KALRN: variants seen among roughly 807,000 people sequenced by gnomAD.
KALRN encodes the protein kalirin RhoGEF kinase.
Under a neutral mutation model 353.7 loss-of-function variants are expected in KALRN, and 70 were observed. The observed-to-expected ratio is 0.20, with a 90% CI of 0.16 to 0.24. The LOEUF is 0.24. Among genes scored for constraint, KALRN ranks in the 10% least tolerant of loss-of-function variants. KALRN has a pLI of 1.00. For synonymous variants in KALRN, 1,391 were observed against 1,434.8 expected (o/e 0.97, Z 0.69); for missense variants, 2,791 against 3,756.7 (o/e 0.74, Z 6.72).
At chr3:124,186,788 C>T (rs778791661) in intron 1 of KALRN, among the ~76,000 whole-genome samples, 2 of 152,152 alleles carry the variant, frequency 1.3e-5, no homozygotes, top group Non-Finnish European at 2.9e-5. Context: ...TAAAGTAACT[C>T]GTTCCTTTGA....
intron 1 of KALRN, among the ~76,000 whole-genome samples, chr3:124,038,550 AAAGT>A (rs1193822813): frequency 1.3e-5 from 2 of 152,324 alleles, no homozygotes; most frequent in African/African-American, 4.8e-5. Context: ...TTCCCTAACA[AAAGT>A]AAGAGTTTAG....
intron 10 of KALRN, among the ~76,000 whole-genome samples, chr3:124,367,491 G>A (rs2085016486): frequency 9.1e-6 from 1 of 109,786 alleles, no homozygotes; most frequent in Admixed American, 8.1e-5. Flanking sequence ...CCCGGACGGG[G>A]CAGCTGGCCG....
intron 1 of KALRN, among the ~76,000 whole-genome samples, chr3:124,183,202 ATAATT>A (rs1214527836): frequency 6.6e-6 from 1 of 152,224 alleles, no homozygotes; most frequent in Non-Finnish European, 1.5e-5. Flanking sequence ...TTGCATTGCT[ATAATT>A]TAATTAATTA....
chr3:124,087,868 G>A (rs919782561), intron 1 of KALRN, among the ~76,000 whole-genome samples: 1 of 152,100 alleles, frequency 6.6e-6, no homozygotes, highest in Non-Finnish European at 1.5e-5. Context: ...ATTTTGAAAC[G>A]TCTTTTAAAG....
At chr3:124,477,163 G>A in intron 26 of KALRN, 82 bp from the exon 27 acceptor site, 2 of 954,400 alleles carry the variant, frequency 2.1e-6, no homozygotes, top group Middle Eastern at 2.3e-4. Flanking sequence ...TAACTGTACA[G>A]CCCTTGCTGG....
chr3:124,244,399 G>A (rs552033770), intron 3 of KALRN, among the ~76,000 whole-genome samples: 3 of 152,194 alleles, frequency 2.0e-5, no homozygotes, highest in African/African-American at 7.2e-5. Flanking sequence ...CACACGTCCA[G>A]CTAATTTTTG....
At position 124,037,459 on chromosome 3, in the gene KALRN, G is replaced by A. The variant is rs186122099; in HGVS notation, c.73+3646G>A. ...TGGAGAAGTGGGGCAGGGTCAAATA[G>A]GGAGAGTCTTGAAAGCACAAGAGTG... On this transcript the variant is annotated intron_variant, in intron 1 of 59. Coordinates refer to ENST00000682506, the MANE Select transcript of KALRN (RefSeq NM_001388419.1). 2.8e-4 allele frequency among the ~76,000 whole-genome samples: 43 copies of A among 152,310 alleles called. No individual in the cohort carries two copies. The East Asian group carries it at 7.7e-3, about 27-fold the overall frequency.
intron 1 of KALRN, among the ~76,000 whole-genome samples, chr3:124,169,554 G>A (rs546810287): frequency 1.6e-4 from 24 of 152,146 alleles, no homozygotes; most frequent in Non-Finnish European, 3.5e-4. Flanking sequence ...ATTGACAGAG[G>A]GGCAGTGTGT....
chr3:124,224,863 AGT>A (rs2078305602), intron 1 of KALRN, among the ~76,000 whole-genome samples: 1 of 152,238 alleles, frequency 6.6e-6, no homozygotes, highest in Non-Finnish European at 1.5e-5. Context: ...ATTAGAGCTG[AGT>A]AGTACCCTGG....
At position 124,633,884 on chromosome 3, in the gene KALRN, T is replaced by G; in HGVS notation, c.5499T>G (p.Asp1833Glu). 6.2e-7 allele frequency: 1 copy of G among 1,614,092 alleles called. No individual in the cohort carries two copies. ...AAGGTTGGGGTGAAGATGAGCCGGA[T>G]GAAGAGTCACACACACCCCTCCCAC... ...SKKGWGEDEP[D>E]EESHTPLPPP... is the part of the protein sequence containing the mutation. Residue 1833 changes from aspartate to glutamate, a missense_variant, in exon 36 of 60, where the codon GAT (aspartate) becomes GAG (glutamate). Asp to Glu is a conservative substitution (Grantham distance 45). Transcript: ENST00000682506.
At position 124,456,563 on chromosome 3, in the gene KALRN, T is replaced by C. The variant is rs551577441; in HGVS notation, c.3736-47T>C. The C allele has an allele frequency of 1.1e-5, 16 of 1,411,580 alleles. No individual in the cohort carries two copies. The African/African-American group carries it at 2.3e-4, about 20-fold the overall frequency. The allele number at this position is 1,411,580 out of a possible 1,614,324, so 87.4% of individuals were successfully genotyped here. On this transcript the variant is annotated intron_variant, in intron 22 of 59. Coordinates refer to ENST00000682506, the MANE Select transcript of KALRN (RefSeq NM_001388419.1). Reference sequence around the variant, plus strand: ...ACCTCCCTCAACTCCAGTGAGTTGCTTTCCCAAAGCATCACAAGGTGACCT... The same window carrying C: ...ACCTCCCTCAACTCCAGTGAGTTGCCTTCCCAAAGCATCACAAGGTGACCT...
At chr3:124,391,170 G>A (rs998407788) in intron 11 of KALRN, among the ~76,000 whole-genome samples, 3 of 151,864 alleles carry the variant, frequency 2.0e-5, no homozygotes, top group Admixed American at 1.3e-4. Context: ...AGAAGTGAGC[G>A]GGACTCTAAA....
intron 1 of KALRN, among the ~76,000 whole-genome samples, chr3:124,101,123 T>C (rs2149429680): frequency 6.6e-6 from 1 of 152,340 alleles, no homozygotes; most frequent in South Asian, 2.1e-4. Flanking sequence ...CTTTACAAAC[T>C]TCAACCATTT....
At chr3:124,110,338 CATATATATCATACTTT>C (rs2062814767) in intron 1 of KALRN, among the ~76,000 whole-genome samples, 4 of 47,472 alleles carry the variant, frequency 8.4e-5, no homozygotes, top group East Asian at 9.6e-4. Context: ...ATATATATGA[CATATATATCATACTTT>C]GATATATATA....
At chr3:124,176,454 G>C (rs2072771827) in intron 1 of KALRN, among the ~76,000 whole-genome samples, 1 of 152,130 alleles carries the variant, frequency 6.6e-6, no homozygotes, top group African/African-American at 2.4e-5. Flanking sequence ...ACCGTTGACT[G>C]GTGTGTACTC....
chr3:124,495,819 C>T (rs2063655263), intron 32 of KALRN, among the ~76,000 whole-genome samples: 1 of 145,336 alleles, frequency 6.9e-6, no homozygotes, highest in African/African-American at 2.5e-5. Flanking sequence ...ATCTTAATTA[C>T]AGCATGTACA....
At chr3:124,707,407 TTCC>T (rs2062678906) in intron 57 of KALRN, among the ~76,000 whole-genome samples, 1 of 105,504 alleles carries the variant, frequency 9.5e-6, no homozygotes, top group Non-Finnish European at 1.9e-5. Flanking sequence ...CCTTCCTTCC[TTCC>T]TTCCTTCCTT....
intron 1 of KALRN, among the ~76,000 whole-genome samples, chr3:124,175,652 T>C (rs2072615982): frequency 1.3e-5 from 2 of 149,216 alleles, no homozygotes; most frequent in African/African-American, 2.5e-5. Context: ...TACAGCCAAG[T>C]GTCCAGGTCT....
At chr3:124,237,626 G>C (rs1579842293) in intron 3 of KALRN, among the ~76,000 whole-genome samples, 1 of 152,238 alleles carries the variant, frequency 6.6e-6, no homozygotes, top group African/African-American at 2.4e-5. Flanking sequence ...GCCTCCCAAA[G>C]TGCTGGGATT....
Sources: gnomAD v4.1 joint callset for allele counts (sites outside exome capture counted in the v4.1 genomes callset) on GRCh38, gnomAD v4.1.1 for gene constraint, MANE v1.5 for transcripts, NCBI Gene and HGNC (gene_info 2026-07-23, HGNC 2026-07-21) for gene names.